Variants in KDM2A observed in about 807,000 individuals in gnomAD.
KDM2A encodes lysine demethylase 2A.
In KDM2A, 3 loss-of-function variants were observed where a neutral mutation model predicts 137.3. The ratio of observed to expected loss-of-function variants is 0.02; its 90% CI spans 0.01 to 0.06. The LOEUF (loss-of-function observed/expected upper bound fraction) is 0.06. Among genes scored for constraint, KDM2A ranks in the 10% least tolerant of loss-of-function variants. The pLI is 1.00. For synonymous variants in KDM2A, 512 were observed against 541.5 expected, an observed-to-expected ratio of 0.95 and a Z score of 0.76; for missense variants, 738 against 1,510.6, an observed-to-expected ratio of 0.49 and a Z score of 8.48.
At chr11:67,120,766 T>G (rs2136273550) in intron 1 of KDM2A, among the ~76,000 whole-genome samples, 1 of 152,316 alleles carries the variant, frequency 6.6e-6, no homozygotes, top group Non-Finnish European at 1.5e-5. Context: ...ATTTAAATCC[T>G]AATTTTTTGT....
chr11:67,192,433 CTTTTTTTTT>C (rs921321640), intron 5 of KDM2A, among the ~76,000 whole-genome samples: 7 of 70,534 alleles, frequency 9.9e-5, no homozygotes, highest in Non-Finnish European at 1.7e-4. Flanking sequence ...GTTTCCATTT[CTTTTTTTTT>C]TTTTTTTTTT....
At chr11:67,192,028 T>C (rs141822645) in intron 5 of KDM2A, among the ~76,000 whole-genome samples, 186 of 152,358 alleles carry the variant, frequency 1.2e-3, no homozygotes, top group African/African-American at 4.1e-3. Flanking sequence ...TTACGGAGAA[T>C]ATCATTAACA....
chr11:67,163,324 T>G (rs1387709025), intron 2 of KDM2A, among the ~76,000 whole-genome samples: 1 of 152,172 alleles, frequency 6.6e-6, no homozygotes, highest in African/African-American at 2.4e-5. Context: ...GTTGTTGAAT[T>G]TCATAAAATT....
intron 15 of KDM2A, among the ~76,000 whole-genome samples, chr11:67,247,078 T>TA (rs1565424343): frequency 5.1e-5 from 4 of 77,788 alleles, no homozygotes; most frequent in African/African-American, 2.3e-4. Context: ...TATATTTTTT[T>TA]TTTTTTTTTT....
intron 2 of KDM2A, among the ~76,000 whole-genome samples, chr11:67,178,697 T>C (rs1025824596): frequency 6.6e-6 from 1 of 152,202 alleles, no homozygotes; most frequent in Non-Finnish European, 1.5e-5. Context: ...TCAGAGTTTA[T>C]CTATGTCATG....
intron 12 of KDM2A, among the ~76,000 whole-genome samples, chr11:67,239,600 G>C (rs1858965151): frequency 6.6e-6 from 1 of 152,220 alleles, no homozygotes; most frequent in Admixed American, 6.5e-5. Context: ...TTCATCCAGA[G>C]AGGCGGAACT....
Position 67,250,618 on chromosome 11 carries a change from A to T in KDM2A, c.2588A>T (p.Glu863Val). ...LGGEEEEEEE[E>V]EEEDDSAEEG... ...GGAGAGGAGGAGGAAGAGGAGGAGG[A>T]GGAGGAGGAAGATGACAGTGCAGAG... Residue 863 changes from glutamate to valine, a missense_variant, in exon 17 of 21, where the codon GAG becomes GTG. By Grantham distance (121) the Glu-to-Val change is moderately radical (BLOSUM62 -2). Coordinates refer to ENST00000529006, the MANE Select transcript of KDM2A (RefSeq NM_012308.3). This position sits in a 1 kb window ranked among gnomAD's most constrained non-coding sequence, Gnocchi z 7.1. The T allele has an allele frequency of 6.2e-7, 1 of 1,612,990 alleles. No homozygotes were observed. The highest frequency in any genetic ancestry group is 8.5e-7 in the Non-Finnish European group (1 of 1,179,256).
chr11:67,172,969 A>G (rs544612635), intron 2 of KDM2A, among the ~76,000 whole-genome samples: 53 of 152,110 alleles, frequency 3.5e-4, no homozygotes, highest in Non-Finnish European at 5.1e-4. Flanking sequence ...ATTTATAGAC[A>G]TAATGTGATG....
intron 5 of KDM2A, among the ~76,000 whole-genome samples, chr11:67,204,383 A>G (rs1430623466): frequency 6.6e-6 from 1 of 152,078 alleles, no homozygotes; most frequent in African/African-American, 2.4e-5. Context: ...TGGCAACAAC[A>G]AATCTATTCT....
chr11:67,238,920 G>A (rs1858945662), intron 12 of KDM2A, among the ~76,000 whole-genome samples: 1 of 152,212 alleles, frequency 6.6e-6, no homozygotes, highest in Non-Finnish European at 1.5e-5. Flanking sequence ...ACCAGAGTGT[G>A]CACCCTCCTT....
chr11:67,204,260 A>C (rs917402857), intron 5 of KDM2A, among the ~76,000 whole-genome samples: 13 of 152,088 alleles, frequency 8.5e-5, no homozygotes, highest in Non-Finnish European at 1.0e-4. Flanking sequence ...AGTGTCATCA[A>C]GTTTTTTCAC....
chr11:67,206,417 A>G (rs903987738), intron 5 of KDM2A, among the ~76,000 whole-genome samples: 1 of 152,142 alleles, frequency 6.6e-6, no homozygotes, highest in African/African-American at 2.4e-5. Flanking sequence ...TGGGTGACAC[A>G]GCGAGACTGT....
intron 2 of KDM2A, among the ~76,000 whole-genome samples, chr11:67,155,397 C>A (rs1856489558): frequency 6.6e-6 from 1 of 152,026 alleles, no homozygotes; most frequent in African/African-American, 2.4e-5. Context: ...CAGCGTCATA[C>A]TCCTAGGCTC....
At chr11:67,158,080 C>G (rs1856559071) in intron 2 of KDM2A, among the ~76,000 whole-genome samples, 1 of 152,104 alleles carries the variant, frequency 6.6e-6, no homozygotes. Context: ...CCTTAAAAAT[C>G]TACTGTGCAC....
intron 12 of KDM2A, chr11:67,239,960 A>T (rs1241544777): frequency 4.3e-6 from 4 of 922,974 alleles, no homozygotes; most frequent in Admixed American, 4.3e-5. Flanking sequence ...GTTGCTGAAC[A>T]CACCCCCTCC....
intron 5 of KDM2A, among the ~76,000 whole-genome samples, 190 bp from the exon 6 acceptor site, chr11:67,207,320 A>G (rs1011204056): frequency 2.0e-5 from 3 of 152,234 alleles, no homozygotes; most frequent in African/African-American, 7.2e-5. Context: ...AATAATTATT[A>G]TTAACATTAT....
intron 6 of KDM2A, among the ~76,000 whole-genome samples, chr11:67,210,213 T>C (rs1181413090): frequency 6.6e-6 from 1 of 151,750 alleles, no homozygotes; most frequent in Non-Finnish European, 1.5e-5. Context: ...ATAGAAAAAT[T>C]AGCCAGGCAT....
chr11:67,213,874 G>A (rs954401423), intron 6 of KDM2A, among the ~76,000 whole-genome samples: 3 of 151,810 alleles, frequency 2.0e-5, no homozygotes, highest in African/African-American at 7.3e-5. Context: ...TGTGTTTTTG[G>A]GTTTTTTATT....
intron 17 of KDM2A, 137 bp from the exon 18 acceptor site, chr11:67,252,557 A>G: frequency 1.0e-6 from 1 of 954,814 alleles, no homozygotes; most frequent in South Asian, 1.4e-5. Flanking sequence ...GCAAAAAATG[A>G]TAAGGTGTGA....
Sources: gnomAD v4.1 joint callset for allele counts (sites outside exome capture counted in the v4.1 genomes callset) on GRCh38, gnomAD v4.1.1 for gene constraint, Gnocchi (gnomAD v3.1) non-coding constraint, MANE v1.5 for transcripts, NCBI Gene and HGNC (gene_info 2026-07-23, HGNC 2026-07-21) for gene names.